DLG2: variants seen among roughly 807,000 people sequenced by gnomAD.
DLG2 encodes disks large homolog 2.
In DLG2, 45 loss-of-function variants were observed where a neutral mutation model predicts 132.5. The ratio of observed to expected loss-of-function variants is 0.34; its 90% confidence interval spans 0.27 to 0.44. The LOEUF is 0.44. Among genes scored for constraint, DLG2 ranks in the 20% least tolerant of loss-of-function variants. The probability of loss-of-function intolerance (pLI) is 1.00; values close to 1 mark genes in which losing one functional copy is unlikely to be tolerated. For missense variants in DLG2, 1,045 were observed against 1,196.9 expected (o/e 0.87, Z 1.87); for synonymous variants, 424 against 419.6 (o/e 1.01, Z -0.13).
At chr11:85,090,071 T>C (rs1409145278) in intron 6 of DLG2, among the ~76,000 whole-genome samples, 5 of 152,222 alleles carry the variant, frequency 3.3e-5, no homozygotes, top group East Asian at 1.9e-4. Flanking sequence ...ATGTTCTTTG[T>C]CCCTGAGTTG....
chr11:83,907,931 A>C (rs1378218664), intron 15 of DLG2, among the ~76,000 whole-genome samples: 1 of 152,130 alleles, frequency 6.6e-6, no homozygotes, highest in African/African-American at 2.4e-5. Flanking sequence ...ACCCTTGCCT[A>C]AGTTCAACTG....
At chr11:83,885,824 C>T (rs1833431210) in intron 15 of DLG2, among the ~76,000 whole-genome samples, 1 of 152,064 alleles carries the variant, frequency 6.6e-6, no homozygotes, top group South Asian at 2.1e-4. Context: ...ATTTTCAACC[C>T]AGAATTTCAT....
chr11:83,888,047 G>A (rs1338740461), intron 15 of DLG2, among the ~76,000 whole-genome samples: 1 of 144,414 alleles, frequency 6.9e-6, no homozygotes, highest in East Asian at 2.0e-4. Context: ...CACAAGACAG[G>A]GATGCCCTCT....
intron 22 of DLG2, chr11:83,483,437 T>C (rs1226479345): frequency 3.5e-6 from 2 of 576,334 alleles, no homozygotes; most frequent in African/African-American, 3.8e-5. Flanking sequence ...TTCTCTCTTC[T>C]TTTAAAAAAA....
In DLG2 at chr11:84,196,557, A is replaced by T. The variant is rs981528614; in HGVS notation, c.574-33046T>A. On this transcript the variant is annotated intron_variant, in intron 8 of 27. Coordinates refer to ENST00000376104, the MANE Select transcript of DLG2 (RefSeq NM_001142699.3). ...ATTTCCTAGTCAGTTTTCAGAAATA[A>T]AATTTTCTCCTGCTGCTAACAGGAA... Among the ~76,000 whole-genome samples the T allele has an allele frequency of 1.4e-4, 22 of 152,222 alleles. 1 individual carries two copies. The highest frequency in any genetic ancestry group is 5.3e-4 in the African/African-American group (22 of 41,444).
intron 3 of DLG2, among the ~76,000 whole-genome samples, chr11:85,486,876 A>T (rs569977418): frequency 3.9e-5 from 6 of 152,048 alleles, no homozygotes; most frequent in Non-Finnish European, 7.4e-5. Context: ...TGCGAGAGTA[A>T]TCTGCTCTGG....
chr11:85,516,428 G>C (rs901818276), intron 3 of DLG2, among the ~76,000 whole-genome samples: 4 of 151,736 alleles, frequency 2.6e-5, no homozygotes, highest in Admixed American at 2.6e-4. Context: ...CTAGCAGAAG[G>C]AAAAAATTCA....
At chr11:83,461,685 G>T in intron 27 of DLG2, 1 of 242,258 alleles carries the variant, frequency 4.1e-6, no homozygotes, top group Non-Finnish European at 8.0e-6. Flanking sequence ...ATGATATCAG[G>T]GAGATAGTTT....
Position 84,813,635 on chromosome 11 carries a change from A to G in DLG2, c.358-278904T>C, listed in dbSNP as rs144027667. On this transcript the variant is annotated intron_variant, in intron 6 of 27. Transcript: ENST00000376104. ...GCTGACAGAGAATGCAGGTGGAATA[A>G]CAGATATTGAGACAACCCCAGGCAG... is the stretch of plus-strand genomic sequence containing the variant. Among the ~76,000 whole-genome samples the G allele has an allele frequency of 5.8e-3, 884 of 152,236 alleles. 3 individuals are homozygous for G. Among genetic ancestry groups the G allele is most frequent in the Middle Eastern group, 0.01 (3 of 294 alleles).
intron 21 of DLG2, among the ~76,000 whole-genome samples, chr11:83,511,687 G>C (rs1253972045): frequency 6.6e-6 from 1 of 150,930 alleles, no homozygotes; most frequent in African/African-American, 2.4e-5. Context: ...ATTAGAAAAA[G>C]CTTCCCTCTC....
chr11:85,624,772 T>C (rs536849928), intron 2 of DLG2, among the ~76,000 whole-genome samples: 2 of 152,308 alleles, frequency 1.3e-5, no homozygotes, highest in African/African-American at 4.8e-5. Flanking sequence ...TACTCTGGTA[T>C]CATAGAAATA....
intron 7 of DLG2, among the ~76,000 whole-genome samples, chr11:84,390,564 G>A (rs1327433152): frequency 6.6e-6 from 1 of 152,138 alleles, no homozygotes; most frequent in Non-Finnish European, 1.5e-5. Flanking sequence ...GAGACCGCAG[G>A]TGGTAAACAG....
At chr11:84,563,265 T>C (rs2099434808) in intron 6 of DLG2, among the ~76,000 whole-genome samples, 1 of 152,202 alleles carries the variant, frequency 6.6e-6, no homozygotes, top group South Asian at 2.1e-4. Flanking sequence ...GGTGAGTAAA[T>C]GAATGAGTGA....
intron 19 of DLG2, among the ~76,000 whole-genome samples, chr11:83,582,860 A>G (rs1449330494): frequency 6.6e-6 from 1 of 152,264 alleles, no homozygotes; most frequent in Admixed American, 6.5e-5. Flanking sequence ...AGATTGGCAC[A>G]GAGATGCATT....
At chr11:83,927,914 G>A (rs888391468) in intron 15 of DLG2, among the ~76,000 whole-genome samples, 1 of 143,062 alleles carries the variant, frequency 7.0e-6, no homozygotes, top group Non-Finnish European at 1.5e-5. Flanking sequence ...GGAAAACATA[G>A]TAAGGATGAC....
intron 6 of DLG2, among the ~76,000 whole-genome samples, chr11:84,667,014 T>C (rs892197940): frequency 6.6e-6 from 1 of 152,178 alleles, no homozygotes; most frequent in African/African-American, 2.4e-5. Context: ...GCCTGAATTT[T>C]GTTTTATATA....
chr11:83,714,252 GGAGAA>G (rs894640466), intron 18 of DLG2, among the ~76,000 whole-genome samples: 25 of 150,168 alleles, frequency 1.7e-4, no homozygotes, highest in Admixed American at 7.5e-4. Flanking sequence ...TTGAGGAAGA[GGAGAA>G]GAGAGTAAAA....
At chr11:85,405,072 G>T (rs1192908007) in intron 3 of DLG2, among the ~76,000 whole-genome samples, 1 of 152,006 alleles carries the variant, frequency 6.6e-6, no homozygotes, top group Admixed American at 6.6e-5. Context: ...GTTGCTGAAT[G>T]ACATTCTATT....
At chr11:84,077,004 C>T (rs1036291236) in intron 10 of DLG2, among the ~76,000 whole-genome samples, 8 of 152,170 alleles carry the variant, frequency 5.3e-5, no homozygotes, top group Non-Finnish European at 2.9e-5. Flanking sequence ...CAATTCATGT[C>T]TTTTTAAAGA....
Sources: allele counts gnomAD v4.1 joint callset (sites outside exome capture counted in the v4.1 genomes callset), GRCh38; gene constraint gnomAD v4.1.1; transcripts MANE v1.5; gene names NCBI Gene and HGNC (gene_info 2026-07-23, HGNC 2026-07-21).